Variants in ZMYM4 observed in about 807,000 individuals in gnomAD.
ZMYM4 encodes the protein zinc finger MYM-type protein 4.
In ZMYM4, 31 loss-of-function variants were observed where a neutral mutation model predicts 183.2. The observed-to-expected ratio is 0.17, with a 90% CI of 0.13 to 0.23. The LOEUF (loss-of-function observed/expected upper bound fraction) is 0.23, where lower values mean the gene tolerates loss of function less well. Among genes scored for constraint, ZMYM4 ranks in the 10% least tolerant of loss-of-function variants. ZMYM4 has a pLI of 1.00. For missense variants in ZMYM4, 1,273 were observed against 1,840.3 expected (o/e 0.69, Z 5.64); for synonymous variants, 592 against 631.2 (o/e 0.94, Z 0.93).
At chr1:35,388,837 G>A in intron 13 of ZMYM4, 73 bp from the exon 14 acceptor site, 1 of 1,438,740 alleles carries the variant, frequency 7.0e-7, no homozygotes. Context: ...CACCGGGCCT[G>A]TCCTAGGCCA....
intron 7 of ZMYM4, among the ~76,000 whole-genome samples, chr1:35,374,095 G>A (rs187198779): frequency 7.8e-6 from 1 of 128,952 alleles, no homozygotes; most frequent in African/African-American, 3.0e-5. Context: ...GCAATGGCAC[G>A]ATCTTGGCTC....
At chr1:35,385,142 G>C (rs1644548815) in intron 9 of ZMYM4, among the ~76,000 whole-genome samples, 1 of 152,148 alleles carries the variant, frequency 6.6e-6, no homozygotes, top group African/African-American at 2.4e-5. Context: ...ACTACGCCTG[G>C]CCGCATTACT....
In ZMYM4 at chr1:35,297,039, G is replaced by A. The variant is rs1468009670; in HGVS notation, c.39+27954G>A. 5.9e-5 allele frequency among the ~76,000 whole-genome samples: 9 copies of A among 151,692 alleles called. No homozygotes were observed. The South Asian group carries it at 6.3e-4, about 11-fold the overall frequency. ...TAACGTTTGCATTTTTAGTAGAGAC[G>A]GAGTTTCACCATGTTGGTCAGGCTG... On this transcript the variant is annotated intron_variant, in intron 1 of 29. Transcript: ENST00000314607.
intron 1 of ZMYM4, among the ~76,000 whole-genome samples, chr1:35,285,036 C>T (rs1215642776): frequency 2.0e-5 from 3 of 152,060 alleles, no homozygotes; most frequent in Non-Finnish European, 4.4e-5. Context: ...TTCTATTTGT[C>T]TATATGCCTG....
chr1:35,297,221 A>G (rs1017021159), intron 1 of ZMYM4, among the ~76,000 whole-genome samples: 1 of 151,832 alleles, frequency 6.6e-6, no homozygotes, highest in Non-Finnish European at 1.5e-5. Context: ...CTTTCACACA[A>G]TAAACTTGGC....
chr1:35,412,098 C>T (rs1051477849), intron 26 of ZMYM4, among the ~76,000 whole-genome samples: 1 of 151,340 alleles, frequency 6.6e-6, no homozygotes, highest in Non-Finnish European at 1.5e-5. Context: ...TCACCGTGGT[C>T]TCGATCTCCT....
chr1:35,398,848 T>C lies in ZMYM4; in HGVS notation c.3254-16T>C. The C allele has an allele frequency of 1.2e-6, 2 of 1,610,458 alleles. No homozygotes were observed. Among genetic ancestry groups the C allele is most frequent in the Non-Finnish European group, 1.7e-6 (2 of 1,177,478 alleles). On this transcript the variant is annotated splice_polypyrimidine_tract_variant and intron_variant, in intron 21 of 29. Transcript: ENST00000314607. ...TATTTTATTTTGAGGGCTTAATTGTTATCTATATATTTCAGACCAAGGAAG... is the reference window on the plus strand; with the variant it reads ...TATTTTATTTTGAGGGCTTAATTGTCATCTATATATTTCAGACCAAGGAAG...
At chr1:35,308,788 G>T (rs112325999) in intron 1 of ZMYM4, among the ~76,000 whole-genome samples, 1 of 152,096 alleles carries the variant, frequency 6.6e-6, no homozygotes, top group East Asian at 1.9e-4. Context: ...TTGAACGTGG[G>T]GGGTGGAGGT....
chr1:35,335,297 C>T (rs571265824), intron 2 of ZMYM4, among the ~76,000 whole-genome samples: 4 of 151,552 alleles, frequency 2.6e-5, no homozygotes, highest in East Asian at 1.9e-4. Context: ...AGTGCAGTGA[C>T]GCGATCTCGG....
chr1:35,325,258 G>A, intron 1 of ZMYM4, 102 bp from the exon 2 acceptor site: 1 of 1,059,930 alleles, frequency 9.4e-7, no homozygotes, highest in South Asian at 1.8e-5. Context: ...TTGTCATTTG[G>A]GTTGAAAATT....
chr1:35,314,577 G>A (rs182912381), intron 1 of ZMYM4, among the ~76,000 whole-genome samples: 66 of 150,242 alleles, frequency 4.4e-4, no homozygotes, highest in Middle Eastern at 3.5e-3. Context: ...GAGCCACTGC[G>A]CCTGGCCCCA....
In ZMYM4 at chr1:35,407,952, A is replaced by T; in HGVS notation, c.3797-56A>T. The T allele has an allele frequency of 1.9e-6, 3 of 1,605,200 alleles. No homozygotes were observed. The Admixed American group carries it at 5.0e-5, about 27-fold the overall frequency. Reference sequence around the variant, plus strand: ...GTGTTCAATGTTTATTCAGTTAATCAATGCTACTATGTTTGTTAAAAGTTA... The same window carrying T: ...GTGTTCAATGTTTATTCAGTTAATCTATGCTACTATGTTTGTTAAAAGTTA... On this transcript the variant is annotated intron_variant, in intron 25 of 29. Coordinates refer to ENST00000314607, the MANE Select transcript of ZMYM4 (RefSeq NM_005095.3).
In ZMYM4 at chr1:35,389,274, C is replaced by T. The variant is rs1186135006; in HGVS notation, c.2436+192C>T. Among the ~76,000 whole-genome samples, 1 of 151,964 alleles carries T rather than the reference C, an allele frequency of 6.6e-6. No homozygotes were observed. The highest frequency in any genetic ancestry group is 1.5e-5 in the Non-Finnish European group (1 of 67,982). On this transcript the variant is annotated intron_variant, in intron 14 of 29. Transcript: ENST00000314607. This position sits in a 1 kb window ranked among gnomAD's most constrained non-coding sequence, Gnocchi z 4.0. ...TGAAGTTTTCTTTTGTTTTTAATTT[C>T]CTGTAGGAGACATATCAGTCTTAAG...
At chr1:35,328,587 C>T (rs1642606304) in intron 2 of ZMYM4, among the ~76,000 whole-genome samples, 1 of 151,458 alleles carries the variant, frequency 6.6e-6, no homozygotes. Context: ...TGAGCCACCA[C>T]ACCCAGCCAA....
At chr1:35,393,771 T>A (rs1453626324) in intron 18 of ZMYM4, 32 bp downstream of exon 18, 8 of 1,554,928 alleles carry the variant, frequency 5.1e-6, no homozygotes, top group Non-Finnish European at 6.9e-6. Flanking sequence ...TCTTTATTAA[T>A]TTTTTAAGGG....
intron 2 of ZMYM4, among the ~76,000 whole-genome samples, chr1:35,337,556 T>G (rs1358251617): frequency 6.6e-6 from 1 of 152,210 alleles, no homozygotes; most frequent in Non-Finnish European, 1.5e-5. Flanking sequence ...GTTGGCAAAC[T>G]TTTTCTCTAA....
Position 35,398,892 on chromosome 1 carries a change from T to G in ZMYM4, c.3282T>G (p.Leu1094=), listed in dbSNP as rs1274816568. ...AAGGAAGTACATACAGTGGTGATCT[T>G]GAATCAGAGGCAGTATCTACTCCAC... ...KDQGSTYSGD[L]ESEAVSTPHS... is the part of the protein sequence containing the mutation. The change falls in exon 22 of 30, where the codon CTT becomes CTG. Residue 1094 remains leucine, a synonymous_variant. Coordinates refer to ENST00000314607, the MANE Select transcript of ZMYM4 (RefSeq NM_005095.3). 1 of 1,613,998 alleles carries G rather than the reference T, an allele frequency of 6.2e-7. No homozygotes were observed. The highest frequency in any genetic ancestry group is 1.7e-5 in the Admixed American group (1 of 60,010).
intron 2 of ZMYM4, among the ~76,000 whole-genome samples, chr1:35,357,463 A>C (rs1643862398): frequency 6.6e-6 from 1 of 152,194 alleles, no homozygotes; most frequent in South Asian, 2.1e-4. Context: ...TAGAGTTTAT[A>C]AGGGTATGGT....
chr1:35,419,456 TCCCC>T lies in ZMYM4; in HGVS notation c.4440-13_4440-10del. On this transcript the variant is annotated splice_polypyrimidine_tract_variant and intron_variant, in intron 29 of 29. Coordinates refer to ENST00000314607, the MANE Select transcript of ZMYM4 (RefSeq NM_005095.3). ...ATTTTCTTTTTTCTCTTTTTTTTTTTCCCCTGTGGATAGTTCTGAAAGTGTGAAG... is the reference window on the plus strand; with the variant it reads ...ATTTTCTTTTTTCTCTTTTTTTTTTTTGTGGATAGTTCTGAAAGTGTGAAG... 1.2e-6 allele frequency: 2 copies of T among 1,602,054 alleles called. No individual in the cohort carries two copies. Among genetic ancestry groups the T allele is most frequent in the Non-Finnish European group, 1.7e-6 (2 of 1,175,240 alleles).
Sources: gnomAD v4.1 joint callset for allele counts (sites outside exome capture counted in the v4.1 genomes callset) on GRCh38, gnomAD v4.1.1 for gene constraint, Gnocchi (gnomAD v3.1) non-coding constraint, MANE v1.5 for transcripts, NCBI Gene and HGNC (gene_info 2026-07-23, HGNC 2026-07-21) for gene names.